OGG1: variants seen among roughly 807,000 people sequenced by gnomAD.
OGG1 encodes 8-oxoguanine DNA glycosylase.
In OGG1, 35 loss-of-function variants were observed where a neutral mutation model predicts 42.3. The observed-to-expected ratio is 0.83, with a 90% CI of 0.63 to 1.10. The LOEUF (loss-of-function observed/expected upper bound fraction) is 1.10. Ranked by LOEUF, OGG1 falls within the 50% of genes least tolerant of loss-of-function variation. OGG1 has a pLI of 0.00. For synonymous variants in OGG1, 189 were observed against 179.0 expected (o/e 1.06, Z -0.44); for missense variants, 484 against 446.7 (o/e 1.08, Z -0.75).
rs996666841 is a variant in OGG1, at chr3:9,787,030, C to T, written c.383-698C>T. 7 of 1,614,096 alleles carry T rather than the reference C, an allele frequency of 4.3e-6. No individual in the cohort carries two copies. In the African/African-American group the frequency reaches 6.7e-5, roughly 15 times the overall value. On this transcript the variant is annotated intron_variant, in intron 3 of 3. Transcript: ENST00000426518. ...CCTCCACCAGGGCCTGCAGGAGGCG[C>T]TGCGTCAGGGCACCAAAGGGGCATC... is the stretch of plus-strand genomic sequence containing the variant.
At chr3:9,756,927 C>G (rs2077596300) in intron 6 of OGG1, 111 bp downstream of exon 6, 2 of 1,611,898 alleles carry the variant, frequency 1.2e-6, no homozygotes, top group Non-Finnish European at 1.7e-6. Context: ...CCACCCCTGT[C>G]CCAACCCCAG....
chr3:9,785,415 A>G, intron 3 of OGG1: 1 of 1,612,646 alleles, frequency 6.2e-7, no homozygotes, highest in South Asian at 1.1e-5. Context: ...CATAGGGGAA[A>G]TAATATTTTC....
chr3:9,759,539 G>A (rs748459644), downstream of OGG1: 1 of 1,614,028 alleles, frequency 6.2e-7, no homozygotes, highest in African/African-American at 1.3e-5. Flanking sequence ...TCACCGACTG[G>A]TGGATATTCT....
At chr3:9,761,762 A>G, downstream of OGG1, 2 of 1,614,022 alleles carry the variant, frequency 1.2e-6, no homozygotes, top group Non-Finnish European at 1.7e-6. Flanking sequence ...CTCTGGCTTG[A>G]AGGGCAGGAG....
chr3:9,785,222 G>A, intron 3 of OGG1: 1 of 944,638 alleles, frequency 1.1e-6, no homozygotes, highest in Non-Finnish European at 1.6e-6. Flanking sequence ...ACTGCCCCCA[G>A]CCTCTTACTG....
chr3:9,777,733 C>T (rs928667966), intron 2 of OGG1, among the ~76,000 whole-genome samples: 4 of 152,130 alleles, frequency 2.6e-5, no homozygotes, highest in Non-Finnish European at 5.9e-5. Context: ...ACAATTCCAT[C>T]CAATTTTGGG....
downstream of OGG1, chr3:9,769,978 G>T (rs951029678): frequency 6.6e-6 from 1 of 152,176 alleles, no homozygotes; most frequent in Admixed American, 6.5e-5. Context: ...GGCTCTCTCC[G>T]CCCGCCTGCG....
In OGG1 at chr3:9,787,998, A is replaced by G; in HGVS notation, c.*267A>G. ...CTTGGTGGGACTGGTCAACACGGCA[A>G]TGAAGAGGGATATGGCCGAGGAAAA... On this transcript the variant is annotated 3_prime_UTR_variant, in exon 4 of 4. Transcript: ENST00000426518. The G allele has an allele frequency of 1.3e-5, 4 of 316,246 alleles. 1 individual carries two copies. Among genetic ancestry groups the G allele is most frequent in the South Asian group, 1.0e-4 (4 of 38,426 alleles). 19.6% of individuals were successfully genotyped at this position (316,246 alleles called of 1,614,324 possible).
At chr3:9,760,792 C>A, downstream of OGG1, 1 of 1,613,632 alleles carries the variant, frequency 6.2e-7, no homozygotes, top group South Asian at 1.1e-5. Context: ...AACTCATCCT[C>A]ATTTCCACTT....
downstream of OGG1, among the ~76,000 whole-genome samples, chr3:9,770,895 C>T (rs544805713): frequency 9.2e-5 from 14 of 152,260 alleles, no homozygotes; most frequent in African/African-American, 3.4e-4. Context: ...CCAAGGGCCT[C>T]CAAGTGCCAC....
chr3:9,781,824 C>T (rs1335365418), intron 3 of OGG1, among the ~76,000 whole-genome samples: 1 of 148,410 alleles, frequency 6.7e-6, no homozygotes, highest in Admixed American at 6.9e-5. Context: ...TCTTCATTGC[C>T]CATTACTTCT....
In OGG1 at chr3:9,754,823, CGA is replaced by C; in HGVS notation, c.689_690del (p.Glu230ValfsTer4). ...CGGGCTAGCCTGGCTGCAGCAGCTA[CGA>C]GAGTCCTCATATGAGGAGGCCCACA... ...QGGLAWLQQL[R>X]ESSYEEAHKA... is the part of the protein sequence containing the mutation. On this transcript the variant is annotated frameshift_variant, in exon 4 of 7. Transcript: ENST00000344629. LOFTEE classifies it high-confidence loss of function. The C allele has an allele frequency of 6.2e-7, 1 of 1,611,910 alleles. No homozygotes were observed. Among genetic ancestry groups the C allele is most frequent in the Non-Finnish European group, 8.5e-7 (1 of 1,179,080 alleles).
At chr3:9,783,008 A>C (rs957642837) in intron 3 of OGG1, 4 of 152,224 alleles carry the variant, frequency 2.6e-5, no homozygotes, top group South Asian at 4.1e-4. Flanking sequence ...TTGACATCAA[A>C]TGAATGGCAG....
At chr3:9,750,739 A>G in intron 1 of OGG1, 7 of 731,248 alleles carry the variant, frequency 9.6e-6, no homozygotes, top group Non-Finnish European at 1.6e-5. Flanking sequence ...CAGCCTCCCG[A>G]GTAGCTGGGA....
At chr3:9,789,824 G>A (rs748418072), downstream of OGG1, 1 of 1,614,236 alleles carries the variant, frequency 6.2e-7, no homozygotes, top group East Asian at 2.2e-5. Context: ...TCCTGGGCCA[G>A]GGCCCGGCCC....
chr3:9,754,932 G>T (rs1477592602), intron 4 of OGG1, 47 bp downstream of exon 4: 10 of 1,505,864 alleles, frequency 6.6e-6, no homozygotes, highest in Non-Finnish European at 9.0e-6. Context: ...GACACTAAGA[G>T]GAGAGCAGGA....
chr3:9,783,843 G>T, intron 3 of OGG1: 1 of 1,094,496 alleles, frequency 9.1e-7, no homozygotes, highest in Non-Finnish European at 1.2e-6. Flanking sequence ...GCCCCACTCT[G>T]TGGAATCAGA....
chr3:9,759,904 A>G (rs865795569), downstream of OGG1: 2 of 1,251,874 alleles, frequency 1.6e-6, no homozygotes, highest in Middle Eastern at 2.2e-4. Flanking sequence ...GCTCTTCTTC[A>G]GGCCCTCCCA....
downstream of OGG1, chr3:9,767,848 C>A: frequency 6.5e-7 from 1 of 1,534,390 alleles, no homozygotes; most frequent in Non-Finnish European, 8.8e-7. Flanking sequence ...TTACTGCAGG[C>A]CCCATTCAGT....
Sources: allele counts gnomAD v4.1 joint callset (sites outside exome capture counted in the v4.1 genomes callset), GRCh38; gene constraint gnomAD v4.1.1; transcripts MANE v1.5; gene names NCBI Gene and HGNC (gene_info 2026-07-23, HGNC 2026-07-21).